PTPRD: variants seen among roughly 807,000 people sequenced by gnomAD.
PTPRD encodes receptor-type tyrosine-protein phosphatase delta.
In PTPRD, 34 loss-of-function variants were observed where a neutral mutation model predicts 214.5. The ratio of observed to expected loss-of-function variants is 0.16; its 90% CI spans 0.12 to 0.21. The LOEUF is 0.21. Ranked by LOEUF, PTPRD falls within the 10% of genes least tolerant of loss-of-function variation. PTPRD has a pLI of 1.00. For synonymous variants in PTPRD, 1,128 were observed against 845.7 expected (o/e 1.33, Z -5.79); for missense variants, 2,545 against 2,398.7 (o/e 1.06, Z -1.27).
At chr9:10,359,668 T>C (rs1220157887) in intron 2 of PTPRD, among the ~76,000 whole-genome samples, 2 of 152,088 alleles carry the variant, frequency 1.3e-5, no homozygotes, top group African/African-American at 4.8e-5. Context: ...TTAAAAATAA[T>C]TGTGTGTGCT....
rs145825267 is a variant in PTPRD at position 8,669,603 on chromosome 9, G to A, written c.65-32759C>T. ...ATCCAAGTCACCTCAAGGAGAAGTC[G>A]TGGAAACCCCAACTCATGCAAATCT... is the stretch of plus-strand genomic sequence containing the variant. On this transcript the variant is annotated intron_variant, in intron 12 of 45. Coordinates refer to ENST00000381196, the MANE Select transcript of PTPRD (RefSeq NM_002839.4). Among the ~76,000 whole-genome samples, 326 of 152,246 alleles carry A rather than the reference G, an allele frequency of 2.1e-3. 1 individual carries two copies. The highest frequency in any genetic ancestry group is 7.4e-3 in the African/African-American group (308 of 41,534).
chr9:9,099,689 G>A (rs928647824), intron 10 of PTPRD, among the ~76,000 whole-genome samples: 2 of 152,150 alleles, frequency 1.3e-5, no homozygotes, highest in Admixed American at 1.3e-4. Flanking sequence ...AAACTACATA[G>A]GTGTTACTGA....
intron 8 of PTPRD, among the ~76,000 whole-genome samples, chr9:9,521,197 C>G (rs2096962963): frequency 6.6e-6 from 1 of 152,108 alleles, no homozygotes; most frequent in African/African-American, 2.4e-5. Flanking sequence ...ACCCCTGACC[C>G]CATGTGTGTA....
At chr9:9,387,005 A>C (rs924390733) in intron 9 of PTPRD, among the ~76,000 whole-genome samples, 4 of 152,202 alleles carry the variant, frequency 2.6e-5, no homozygotes, top group Non-Finnish European at 4.4e-5. Flanking sequence ...AAATAACATA[A>C]CTTATTTAAC....
chr9:8,714,562 T>C (rs1424224586), intron 12 of PTPRD, among the ~76,000 whole-genome samples: 1 of 152,182 alleles, frequency 6.6e-6, no homozygotes, highest in African/African-American at 2.4e-5. Flanking sequence ...CCTAATCCTT[T>C]ACATTTTCTC....
chr9:9,095,464 G>T (rs1488149647), intron 10 of PTPRD, among the ~76,000 whole-genome samples: 3 of 152,284 alleles, frequency 2.0e-5, no homozygotes, highest in African/African-American at 7.2e-5. Context: ...TCCAGATTGA[G>T]CTGTGGAATC....
intron 10 of PTPRD, among the ~76,000 whole-genome samples, chr9:9,122,687 C>A (rs2099818731): frequency 6.6e-6 from 1 of 152,146 alleles, no homozygotes; most frequent in East Asian, 1.9e-4. Context: ...GTCCAGATAA[C>A]CTTGGATTGA....
chr9:10,447,016 C>T (rs533785373), intron 2 of PTPRD, among the ~76,000 whole-genome samples: 12 of 152,288 alleles, frequency 7.9e-5, no homozygotes, highest in Admixed American at 6.5e-4. Context: ...CTAGGCACTT[C>T]ATAACATTAT....
chr9:10,532,596 T>C (rs947330809), intron 2 of PTPRD, among the ~76,000 whole-genome samples: 1 of 147,766 alleles, frequency 6.8e-6, no homozygotes, highest in Admixed American at 6.8e-5. Context: ...TTATATAATA[T>C]ATATAAATCC....
chr9:9,944,983 GA>G, intron 4 of PTPRD, among the ~76,000 whole-genome samples: 1 of 148,006 alleles, frequency 6.8e-6, no homozygotes, highest in Middle Eastern at 3.4e-3. Context: ...AATATGACCA[GA>G]CAAGTAGTGG....
chr9:8,827,313 A>AT (rs397741779), intron 11 of PTPRD, among the ~76,000 whole-genome samples: 3 of 151,554 alleles, frequency 2.0e-5, no homozygotes, highest in Non-Finnish European at 4.4e-5. Context: ...TATTGAAAAA[A>AT]TTTTAGTTTT....
chr9:8,776,403 G>A (rs1042318144), intron 11 of PTPRD, among the ~76,000 whole-genome samples: 6 of 152,096 alleles, frequency 3.9e-5, no homozygotes, highest in African/African-American at 1.4e-4. Flanking sequence ...TCCAGGGTCA[G>A]GTGATCCTGA....
chr9:10,421,304 C>T (rs1199261677), intron 2 of PTPRD, among the ~76,000 whole-genome samples: 1 of 151,794 alleles, frequency 6.6e-6, no homozygotes, highest in South Asian at 2.1e-4. Context: ...CTTGCTCACC[C>T]CCACACATAC....
chr9:8,325,961 G>A (rs1833261873), intron 44 of PTPRD, among the ~76,000 whole-genome samples: 1 of 152,194 alleles, frequency 6.6e-6, no homozygotes, highest in African/African-American at 2.4e-5. Context: ...AGCTTAAGGA[G>A]ATTTTGGGAT....
intron 14 of PTPRD, among the ~76,000 whole-genome samples, chr9:8,532,410 T>C (rs1170935011): frequency 2.0e-5 from 3 of 152,094 alleles, no homozygotes; most frequent in Non-Finnish European, 4.4e-5. Context: ...TTTGATAACA[T>C]CAATTTTGAC....
intron 11 of PTPRD, among the ~76,000 whole-genome samples, chr9:8,795,008 G>C (rs2154514030): frequency 6.6e-6 from 1 of 152,116 alleles, no homozygotes; most frequent in East Asian, 1.9e-4. Context: ...TTCTTGGCAT[G>C]CACTTACATT....
chr9:10,230,113 G>C (rs956427300), intron 3 of PTPRD, among the ~76,000 whole-genome samples: 2 of 152,074 alleles, frequency 1.3e-5, no homozygotes, highest in African/African-American at 4.8e-5. Context: ...GGTGAGGATA[G>C]TCAGTATATT....
At chr9:10,043,339 A>T (rs893176980) in intron 3 of PTPRD, among the ~76,000 whole-genome samples, 1 of 151,912 alleles carries the variant, frequency 6.6e-6, no homozygotes, top group Non-Finnish European at 1.5e-5. Context: ...GATCAAAATG[A>T]TGCTTGATAA....
chr9:8,758,353 G>T (rs944322831), intron 11 of PTPRD, among the ~76,000 whole-genome samples: 3 of 152,066 alleles, frequency 2.0e-5, no homozygotes, highest in African/African-American at 7.2e-5. Context: ...ATCCCTTAAG[G>T]CATCAGGGCT....
Sources: allele counts gnomAD v4.1 joint callset (sites outside exome capture counted in the v4.1 genomes callset), GRCh38; gene constraint gnomAD v4.1.1; transcripts MANE v1.5; gene names NCBI Gene and HGNC (gene_info 2026-07-23, HGNC 2026-07-21).